Variants in XKR6 observed in about 807,000 individuals in gnomAD.
The protein encoded by XKR6 is XK-related protein 6.
In XKR6, 22 loss-of-function variants were observed where a neutral mutation model predicts 56.7. The observed-to-expected ratio is 0.39, with a 90% CI of 0.28 to 0.55. The LOEUF (loss-of-function observed/expected upper bound fraction) is 0.55. Ranked by LOEUF, XKR6 falls within the 20% of genes least tolerant of loss-of-function variation. The pLI, the probability that XKR6 is intolerant of heterozygous loss-of-function variation, is 0.66. For synonymous variants in XKR6, 524 were observed against 387.8 expected, an observed-to-expected ratio of 1.35 and a Z score of -4.13; for missense variants, 852 against 889.0, an observed-to-expected ratio of 0.96 and a Z score of 0.53.
At chr8:10,986,131 G>T (rs1797858936) in intron 1 of XKR6, among the ~76,000 whole-genome samples, 1 of 152,214 alleles carries the variant, frequency 6.6e-6, no homozygotes, top group Non-Finnish European at 1.5e-5. Flanking sequence ...ACAGACTGAA[G>T]ATCACACTGG....
chr8:11,178,276 T>C (rs1047723079), intron 1 of XKR6, among the ~76,000 whole-genome samples: 2 of 152,108 alleles, frequency 1.3e-5, no homozygotes, highest in East Asian at 1.9e-4. Context: ...GATGGAACTG[T>C]AGCAACCTCA....
intron 1 of XKR6, chr8:11,125,856 A>G (rs933463416): frequency 6.6e-6 from 1 of 152,214 alleles, no homozygotes; most frequent in Non-Finnish European, 1.5e-5. Context: ...AGTCCCAAGT[A>G]CAACAAAACC....
intron 1 of XKR6, among the ~76,000 whole-genome samples, chr8:11,097,353 C>G (rs7840980): frequency 2.0e-5 from 3 of 151,998 alleles, no homozygotes; most frequent in African/African-American, 4.8e-5. Flanking sequence ...AAACATTCCA[C>G]GAGAAGTTAG....
chr8:11,052,182 C>T (rs896367595), intron 1 of XKR6, among the ~76,000 whole-genome samples: 1 of 152,136 alleles, frequency 6.6e-6, no homozygotes, highest in Non-Finnish European at 1.5e-5. Context: ...AGGGGAGCTG[C>T]GCTTGGGGTC....
intron 1 of XKR6, among the ~76,000 whole-genome samples, chr8:10,972,595 T>A (rs1393719868): frequency 6.6e-6 from 1 of 152,148 alleles, no homozygotes; most frequent in East Asian, 1.9e-4. Flanking sequence ...TCATGCTGAG[T>A]GAAATAAGCC....
At chr8:11,001,555 C>T (rs1433580022) in intron 1 of XKR6, among the ~76,000 whole-genome samples, 4 of 152,234 alleles carry the variant, frequency 2.6e-5, no homozygotes, top group Non-Finnish European at 4.4e-5. Flanking sequence ...ATAGCCAGTC[C>T]TTGGATCCCA....
intron 1 of XKR6, among the ~76,000 whole-genome samples, chr8:11,146,555 GGA>G (rs200401662): frequency 0.013 from 1,949 of 151,854 alleles, 10 homozygotes; most frequent in Admixed American, 0.02. Flanking sequence ...CCTGAGCCTA[GGA>G]GAGAGAGGCT....
intron 1 of XKR6, among the ~76,000 whole-genome samples, chr8:10,979,941 G>A (rs773634716): frequency 3.3e-5 from 5 of 152,176 alleles, no homozygotes; most frequent in Non-Finnish European, 5.9e-5. Flanking sequence ...AGAGTCAACA[G>A]GCAGGGAAGG....
intron 1 of XKR6, among the ~76,000 whole-genome samples, chr8:10,969,451 C>G (rs553076956): frequency 6.6e-6 from 1 of 152,298 alleles, no homozygotes; most frequent in South Asian, 2.1e-4. Flanking sequence ...GGATTTGATT[C>G]TACATATTAG....
intron 1 of XKR6, among the ~76,000 whole-genome samples, chr8:10,970,102 T>C (rs1802360752): frequency 6.6e-6 from 1 of 152,220 alleles, no homozygotes; most frequent in East Asian, 1.9e-4. Flanking sequence ...GAGTGGGCTG[T>C]TGGGCTCTGG....
intron 1 of XKR6, among the ~76,000 whole-genome samples, chr8:10,963,892 G>T (rs560289371): frequency 1.3e-5 from 2 of 152,172 alleles, no homozygotes; most frequent in Non-Finnish European, 2.9e-5. Context: ...GCATGAACTG[G>T]GGTCAGTCCT....
chr8:10,928,725 A>AG (rs969118708), intron 1 of XKR6, among the ~76,000 whole-genome samples: 22 of 152,092 alleles, frequency 1.4e-4, no homozygotes, highest in African/African-American at 5.3e-4. Context: ...GTGCGCTCCG[A>AG]GGGGGGAACC....
intron 1 of XKR6, among the ~76,000 whole-genome samples, chr8:11,055,971 T>C (rs540194670): frequency 6.6e-6 from 1 of 152,310 alleles, no homozygotes; most frequent in South Asian, 2.1e-4. Context: ...GAAGCCTGTC[T>C]GAAGGCCCCC....
chr8:11,018,488 C>T (rs535208027), intron 1 of XKR6, among the ~76,000 whole-genome samples: 2 of 152,282 alleles, frequency 1.3e-5, no homozygotes, highest in Admixed American at 6.5e-5. Flanking sequence ...CACTTCCCTC[C>T]ATAATATGGG....
At chr8:11,199,617 G>A (rs1004847018) in intron 1 of XKR6, among the ~76,000 whole-genome samples, 6 of 152,184 alleles carry the variant, frequency 3.9e-5, no homozygotes, top group African/African-American at 1.4e-4. Flanking sequence ...ATTTAAGTAA[G>A]AGGGCACAGA....
intron 1 of XKR6, among the ~76,000 whole-genome samples, chr8:11,069,192 T>C (rs1042825817): frequency 6.6e-6 from 1 of 151,732 alleles, no homozygotes. Context: ...GGCCCCACTG[T>C]CTTTGATAAG....
rs549249384 is a variant in XKR6 at position 11,001,196 on chromosome 8, A to G, written c.765-76366T>C. 1.9e-3 allele frequency among the ~76,000 whole-genome samples: 292 copies of G among 152,328 alleles called. 1 individual carries two copies. The highest frequency in any genetic ancestry group is 6.7e-3 in the African/African-American group (279 of 41,574). ...TTCTCCTCCTACTCAACCACAACTCAGTGAAGGAAGAACTCCCCTTCCGAT... is the reference window on the plus strand; with the variant it reads ...TTCTCCTCCTACTCAACCACAACTCGGTGAAGGAAGAACTCCCCTTCCGAT... On this transcript the variant is annotated intron_variant, in intron 1 of 2. Transcript: ENST00000416569.
chr8:11,123,701 T>G, intron 1 of XKR6: 1 of 365,540 alleles, frequency 2.7e-6, no homozygotes, highest in Non-Finnish European at 5.4e-6. Context: ...TTCATATTTT[T>G]CAAGAGGCTG....
At chr8:11,140,240 G>A (rs1202735437) in intron 1 of XKR6, among the ~76,000 whole-genome samples, 1 of 152,048 alleles carries the variant, frequency 6.6e-6, no homozygotes, top group Admixed American at 6.6e-5. Context: ...AAGCAACAAT[G>A]AAGCAATGGA....
Sources: allele counts gnomAD v4.1 joint callset (sites outside exome capture counted in the v4.1 genomes callset), GRCh38; gene constraint gnomAD v4.1.1; transcripts MANE v1.5; gene names NCBI Gene and HGNC (gene_info 2026-07-23, HGNC 2026-07-21).